The following FUT8 variants were observed in gnomAD, a reference collection of about 807,000 sequenced individuals.
FUT8 encodes fucosyltransferase 8, also known as alpha-(1,6)-fucosyltransferase.
A neutral mutation model predicts 71.3 loss-of-function variants in FUT8; 29 were observed. That is an observed-to-expected ratio of 0.41 (90% CI 0.30 to 0.55). The LOEUF (loss-of-function observed/expected upper bound fraction) is 0.55. Among genes scored for constraint, FUT8 ranks in the 20% least tolerant of loss-of-function variants. FUT8 has a pLI of 0.34. For missense variants in FUT8, 544 were observed against 702.1 expected, an observed-to-expected ratio of 0.77 and a Z score of 2.55; for synonymous variants, 254 against 239.3, an observed-to-expected ratio of 1.06 and a Z score of -0.57.
intron 7 of FUT8, among the ~76,000 whole-genome samples, chr14:65,702,297 A>G (rs1224817019): frequency 1.3e-5 from 2 of 149,760 alleles, no homozygotes; most frequent in Non-Finnish European, 3.0e-5. Context: ...GTGAGCTGAG[A>G]TCATGGCGTT....
intron 2 of FUT8, among the ~76,000 whole-genome samples, chr14:65,557,623 GCCCAGCCAATTTTGTCTCT>G (rs1468779130): frequency 3.4e-5 from 5 of 146,262 alleles, no homozygotes; most frequent in African/African-American, 1.2e-4. Flanking sequence ...GAGTCACTGT[GCCCAGCCAATTTTGTCTCT>G]TAAAAAAAAA....
the FUT8 span, among the ~76,000 whole-genome samples, chr14:65,370,465 C>T: frequency 0.025 from 3,852 of 151,700 alleles, 64 homozygotes; most frequent in Non-Finnish European, 0.038. Context: ...GCCTCGGCCT[C>T]CCAAAGTGCT....
At chr14:65,662,054 C>G (rs1350446848) in intron 6 of FUT8, among the ~76,000 whole-genome samples, 1 of 152,186 alleles carries the variant, frequency 6.6e-6, no homozygotes, top group Non-Finnish European at 1.5e-5. Context: ...CAGCTTTCAG[C>G]TCTGTTGAAG....
At chr14:65,388,570 TG>T in the FUT8 span, among the ~76,000 whole-genome samples, 1 of 152,164 alleles carries the variant, frequency 6.6e-6, no homozygotes, top group African/African-American at 2.4e-5. Flanking sequence ...AAGACTAGCC[TG>T]GGCAACATAG....
At chr14:65,443,790 T>C (rs1231427130) in intron 1 of FUT8, among the ~76,000 whole-genome samples, 1 of 151,648 alleles carries the variant, frequency 6.6e-6, no homozygotes, top group Non-Finnish European at 1.5e-5. Context: ...ACTCCTTGAG[T>C]TCAGAGTCAT....
intron 1 of FUT8, chr14:65,430,399 A>G (rs1475875659): frequency 2.0e-5 from 3 of 152,190 alleles, no homozygotes; most frequent in Non-Finnish European, 4.4e-5. Context: ...TAATACATAT[A>G]AAATACTGAA....
intron 1 of FUT8, among the ~76,000 whole-genome samples, chr14:65,423,525 G>A (rs566100241): frequency 5.1e-4 from 77 of 152,254 alleles, no homozygotes; most frequent in Non-Finnish European, 7.9e-4. Flanking sequence ...GCCTCCCAAA[G>A]TGCTGGGATT....
intron 7 of FUT8, among the ~76,000 whole-genome samples, chr14:65,706,124 A>C (rs1894540097): frequency 2.0e-5 from 3 of 152,232 alleles, no homozygotes; most frequent in Non-Finnish European, 2.9e-5. Context: ...CTTAATGAGT[A>C]AGATACTATT....
chr14:65,676,834 CAA>C, intron 7 of FUT8, among the ~76,000 whole-genome samples: 1 of 152,058 alleles, frequency 6.6e-6, no homozygotes, highest in Admixed American at 6.6e-5. Flanking sequence ...ATTCTACAAA[CAA>C]GATAATTGTT....
chr14:65,644,887 T>C (rs1325020402), intron 6 of FUT8, among the ~76,000 whole-genome samples: 2 of 152,212 alleles, frequency 1.3e-5, no homozygotes, highest in Non-Finnish European at 2.9e-5. Context: ...ACTTTCTCTG[T>C]AAAGCACACA....
At chr14:65,519,543 C>T (rs546320172) in intron 2 of FUT8, among the ~76,000 whole-genome samples, 7 of 152,188 alleles carry the variant, frequency 4.6e-5, no homozygotes, top group African/African-American at 1.7e-4. Context: ...GATTGTTTTA[C>T]CATGATCATG....
chr14:65,642,475 C>T (rs1377981529), intron 6 of FUT8, among the ~76,000 whole-genome samples: 1 of 151,932 alleles, frequency 6.6e-6, no homozygotes, highest in African/African-American at 2.4e-5. Flanking sequence ...TGGTGGCGCA[C>T]ACCTACAATC....
intron 3 of FUT8, among the ~76,000 whole-genome samples, chr14:65,595,602 C>CTTTTTTTTTTTTTTTTTTTTTTTTTTTT (rs34129010): frequency 1.2e-5 from 1 of 81,726 alleles, no homozygotes; most frequent in Non-Finnish European, 2.2e-5. Flanking sequence ...ACACCATTCT[C>CTTTTTTTTTTTTTTTTTTTTTTTTTTTT]TTTTTTTTTT....
intron 6 of FUT8, 84 bp downstream of exon 6, chr14:65,629,690 T>A: frequency 1.1e-6 from 1 of 950,860 alleles, no homozygotes; most frequent in Non-Finnish European, 1.7e-6. Flanking sequence ...CAGTTGTTTT[T>A]AGTCTTCCTG....
chr14:65,646,172 G>T (rs1891117038), intron 6 of FUT8: 1 of 152,156 alleles, frequency 6.6e-6, no homozygotes, highest in Non-Finnish European at 1.5e-5. Context: ...GCAAGCAAGG[G>T]TCCCTTAAGC....
At chr14:65,500,256 T>C (rs2066625406) in intron 2 of FUT8, among the ~76,000 whole-genome samples, 2 of 152,208 alleles carry the variant, frequency 1.3e-5, no homozygotes, top group Admixed American at 1.3e-4. Context: ...TTATAAACAC[T>C]TAGATATTTT....
chr14:65,400,863 C>T, the FUT8 span, among the ~76,000 whole-genome samples: 1 of 151,988 alleles, frequency 6.6e-6, no homozygotes, highest in Admixed American at 6.6e-5. Context: ...CCAGCCTGGG[C>T]AACAGTGGGA....
rs967593591 is a variant in FUT8, at chr14:65,657,999, A to G, written c.598-11244A>G. Among the ~76,000 whole-genome samples, 210 of 152,246 alleles carry G rather than the reference A, an allele frequency of 1.4e-3. 1 individual carries two copies. Among genetic ancestry groups the G allele is most frequent in the African/African-American group, 4.7e-3 (194 of 41,562 alleles). Reference sequence around the variant, plus strand: ...CTAGAAAAATAGAAACTTTTTACTTACCAGCAACCCCGTTAAAGAGGATGA... The same window carrying G: ...CTAGAAAAATAGAAACTTTTTACTTGCCAGCAACCCCGTTAAAGAGGATGA... On this transcript the variant is annotated intron_variant, in intron 6 of 10. Transcript: ENST00000673929.
chr14:65,622,467 G>A (rs892949501), intron 5 of FUT8, among the ~76,000 whole-genome samples: 9 of 152,274 alleles, frequency 5.9e-5, no homozygotes, highest in South Asian at 2.1e-4. Flanking sequence ...GACTCAATAG[G>A]AAAAATGTTA....
Sources: allele counts gnomAD v4.1 joint callset (sites outside exome capture counted in the v4.1 genomes callset), GRCh38; gene constraint gnomAD v4.1.1; transcripts MANE v1.5; gene names NCBI Gene and HGNC (gene_info 2026-07-23, HGNC 2026-07-21).